Variants in ARHGEF38 observed in about 807,000 individuals in gnomAD.
The protein encoded by ARHGEF38 is Rho guanine nucleotide exchange factor (GEF) 38.
A neutral mutation model predicts 79.9 loss-of-function variants in ARHGEF38; 79 were observed. That is an observed-to-expected ratio of 0.99 (90% CI 0.82 to 1.19). The LOEUF (loss-of-function observed/expected upper bound fraction) is 1.19, where lower values mean the gene tolerates loss of function less well. Among genes scored for constraint, ARHGEF38 ranks in the 50% most tolerant of loss-of-function variants. ARHGEF38 has a pLI of 0.00. For synonymous variants in ARHGEF38, 366 were observed against 328.3 expected (o/e 1.11, Z -1.24); for missense variants, 962 against 907.2 (o/e 1.06, Z -0.78).
chr4:105,593,233 T>C (rs1265175280), intron 2 of ARHGEF38, among the ~76,000 whole-genome samples: 1 of 152,082 alleles, frequency 6.6e-6, no homozygotes, highest in Non-Finnish European at 1.5e-5. Flanking sequence ...TAATGATCAA[T>C]ATAAAAAACA....
intron 2 of ARHGEF38, among the ~76,000 whole-genome samples, chr4:105,610,890 A>C (rs1318022906): frequency 1.3e-5 from 2 of 152,244 alleles, no homozygotes; most frequent in South Asian, 4.1e-4. Context: ...AATAAATTGT[A>C]GGAGTGACAA....
Position 105,666,245 on chromosome 4 carries a change from T to C in ARHGEF38, c.1614T>C (p.Asn538=). ...TACTAGAAGAGATCCAAAATTTGAA[T>C]TGTGTGAAAGAAAACAGTGCCACCT... The part of the protein sequence containing the change: ...NQVLEEIQNL[N]CVKENSATFI... Residue 538 remains asparagine (N), a synonymous_variant, in exon 11 of 14, where the codon AAT becomes AAC. Transcript: ENST00000420470. The C allele has an allele frequency of 6.5e-7, 1 of 1,535,598 alleles. No individual in the cohort carries two copies. Among genetic ancestry groups the C allele is most frequent in the East Asian group, 2.4e-5 (1 of 40,844 alleles).
At chr4:105,650,518 C>T (rs1030099698) in intron 7 of ARHGEF38, among the ~76,000 whole-genome samples, 6 of 152,174 alleles carry the variant, frequency 3.9e-5, no homozygotes, top group South Asian at 2.1e-4. Flanking sequence ...TTACTCTGCC[C>T]CTGCCTCACC....
chr4:105,660,614 GT>G (rs1730525848), intron 10 of ARHGEF38, among the ~76,000 whole-genome samples: 1 of 151,776 alleles, frequency 6.6e-6, no homozygotes, highest in African/African-American at 2.4e-5. Flanking sequence ...TAATTTTTGT[GT>G]TTTTAGTAGA....
intron 3 of ARHGEF38, among the ~76,000 whole-genome samples, chr4:105,630,118 C>T (rs991580289): frequency 3.3e-5 from 5 of 152,100 alleles, no homozygotes; most frequent in Non-Finnish European, 7.4e-5. Context: ...TTACTTTTTA[C>T]AATGACTCTC....
chr4:105,615,670 T>C (rs1728483567), intron 3 of ARHGEF38, among the ~76,000 whole-genome samples: 1 of 152,220 alleles, frequency 6.6e-6, no homozygotes, highest in Non-Finnish European at 1.5e-5. Context: ...GAAGAGGTTT[T>C]ATAAGACCTT....
intron 5 of ARHGEF38, among the ~76,000 whole-genome samples, chr4:105,644,068 A>G (rs1338871528): frequency 6.6e-6 from 1 of 151,508 alleles, no homozygotes; most frequent in African/African-American, 2.4e-5. Context: ...GGGTTTTGCT[A>G]TGTTGCCCAG....
Position 105,680,127 on chromosome 4 carries a change from T to C in ARHGEF38, c.*2190T>C, listed in dbSNP as rs1731258916. The C allele has an allele frequency of 1.4e-5, 10 of 709,888 alleles. No individual in the cohort carries two copies. The highest frequency in any genetic ancestry group is 5.6e-5 in the South Asian group (4 of 71,410). The allele number at this position is 709,888 out of a possible 1,614,324, so 44.0% of individuals were successfully genotyped here. ...CATCTGTGTTTTATAAAGGAGGAAA[T>C]TGAGGACCTCACATGGAGGGACTGG... On this transcript the variant is annotated 3_prime_UTR_variant, in exon 14 of 14. Transcript: ENST00000420470.
chr4:105,656,697 T>C (rs1730341669), intron 9 of ARHGEF38, among the ~76,000 whole-genome samples: 1 of 152,112 alleles, frequency 6.6e-6, no homozygotes, highest in Non-Finnish European at 1.5e-5. Flanking sequence ...TATAGGCATT[T>C]TGGGTAAGAC....
chr4:105,600,234 C>A (rs978933965), intron 2 of ARHGEF38, among the ~76,000 whole-genome samples: 3 of 152,108 alleles, frequency 2.0e-5, no homozygotes, highest in African/African-American at 7.2e-5. Context: ...ACACAAATAA[C>A]AATCAAAGAT....
chr4:105,647,014 T>C (rs1729870796), intron 6 of ARHGEF38, among the ~76,000 whole-genome samples: 1 of 152,184 alleles, frequency 6.6e-6, no homozygotes, highest in South Asian at 2.1e-4. Context: ...TTAGGGATCA[T>C]ACATGGAGAT....
intron 1 of ARHGEF38, among the ~76,000 whole-genome samples, chr4:105,569,064 C>A (rs983221666): frequency 5.9e-5 from 9 of 152,012 alleles, no homozygotes; most frequent in Non-Finnish European, 8.8e-5. Context: ...CAGAGGGGAA[C>A]CTTAATCTAA....
chr4:105,600,830 G>A, intron 2 of ARHGEF38, among the ~76,000 whole-genome samples: 1 of 152,132 alleles, frequency 6.6e-6, no homozygotes, highest in Non-Finnish European at 1.5e-5. Flanking sequence ...AATCCCTGGA[G>A]TCATCCTTAA....
chr4:105,642,949 T>C (rs1267108226), intron 5 of ARHGEF38, among the ~76,000 whole-genome samples: 1 of 152,080 alleles, frequency 6.6e-6, no homozygotes, highest in Admixed American at 6.5e-5. Context: ...ATCAAGTTAA[T>C]ACCTTTCATA....
chr4:105,571,478 A>T (rs1287644821), intron 1 of ARHGEF38, among the ~76,000 whole-genome samples: 1 of 151,630 alleles, frequency 6.6e-6, no homozygotes, highest in African/African-American at 2.4e-5. Context: ...GCCCACCACC[A>T]TGCCCAGCTA....
At chr4:105,637,403 G>A (rs1560737996) in intron 5 of ARHGEF38, among the ~76,000 whole-genome samples, 1 of 152,050 alleles carries the variant, frequency 6.6e-6, no homozygotes, top group Non-Finnish European at 1.5e-5. Context: ...CACTTTATCA[G>A]TCTTTTCTTT....
chr4:105,563,110 A>C (rs1725718036), intron 1 of ARHGEF38, among the ~76,000 whole-genome samples: 1 of 152,172 alleles, frequency 6.6e-6, no homozygotes, highest in Admixed American at 6.5e-5. Context: ...CACTCCCGGC[A>C]GCTGAAATAA....
chr4:105,591,532 G>C (rs1031175564), intron 2 of ARHGEF38, among the ~76,000 whole-genome samples: 1 of 152,036 alleles, frequency 6.6e-6, no homozygotes, highest in African/African-American at 2.4e-5. Context: ...CCCGGCCTCA[G>C]AAATATTTTT....
chr4:105,581,120 G>A (rs9790737), intron 1 of ARHGEF38, among the ~76,000 whole-genome samples: 12 of 152,050 alleles, frequency 7.9e-5, no homozygotes, highest in Admixed American at 2.6e-4. Context: ...AACAAGTCCC[G>A]GTGCCCCGTA....
Sources: gnomAD v4.1 joint callset for allele counts (sites outside exome capture counted in the v4.1 genomes callset) on GRCh38, gnomAD v4.1.1 for gene constraint, MANE v1.5 for transcripts, NCBI Gene and HGNC (gene_info 2026-07-23, HGNC 2026-07-21) for gene names.